Variants in BSDC1 observed in about 807,000 individuals in gnomAD.
The protein encoded by BSDC1 is BSD domain-containing protein 1.
In BSDC1, 29 loss-of-function variants were observed where a neutral mutation model predicts 56.0. The ratio of observed to expected loss-of-function variants is 0.52; its 90% confidence interval spans 0.39 to 0.71. The LOEUF (loss-of-function observed/expected upper bound fraction) is 0.71. BSDC1 is among the 30% of genes least tolerant of loss of function. The probability of loss-of-function intolerance (pLI) is 0.00; values close to 1 mark genes in which losing one functional copy is unlikely to be tolerated. For synonymous variants in BSDC1, 210 were observed against 215.3 expected, an observed-to-expected ratio of 0.98 and a Z score of 0.21; for missense variants, 477 against 548.5, an observed-to-expected ratio of 0.87 and a Z score of 1.30.
At chr1:32,392,900 C>A (rs926957873) in intron 2 of BSDC1, among the ~76,000 whole-genome samples, 2 of 152,090 alleles carry the variant, frequency 1.3e-5, no homozygotes, top group African/African-American at 4.8e-5. Context: ...CCTGTCTCTA[C>A]TAAAAATACA....
In BSDC1 at chr1:32,365,797, G is replaced by A. The variant is rs1240119919; in HGVS notation, c.*825C>T. 1 of 152,794 alleles carries A rather than the reference G, an allele frequency of 6.5e-6. No individual in the cohort carries two copies. The highest frequency in any genetic ancestry group is 1.9e-4 in the East Asian group (1 of 5,198). 9.5% of individuals were successfully genotyped at this position (152,794 alleles called of 1,614,324 possible). ...TTGTGTCCTAAACTACAGGGGAGTT[G>A]AGGTGGGTAGCTGGTTGGACAAGGT... On this transcript the variant is annotated 3_prime_UTR_variant, in exon 11 of 11. Transcript: ENST00000455895.
intron 9 of BSDC1, chr1:32,369,272 C>G (rs1490523740): frequency 7.8e-7 from 1 of 1,289,664 alleles, no homozygotes; most frequent in Non-Finnish European, 1.0e-6. Context: ...AGCACTTTGG[C>G]CCAGAGGCTC....
Position 32,366,347 on chromosome 1 carries a change from A to G in BSDC1, c.*275T>C. The stretch of plus-strand genomic sequence containing the variant: ...GGAACAGTGGGTGTTCAGCAGAAAA[A>G]CACAGGCTCTTCTGGTGAGGAGGAT... On this transcript the variant is annotated 3_prime_UTR_variant, in exon 11 of 11. Coordinates refer to ENST00000455895, the MANE Select transcript of BSDC1 (RefSeq NM_018045.8). The G allele has an allele frequency of 1.5e-6, 1 of 649,796 alleles. No homozygotes were observed. The highest frequency in any genetic ancestry group is 2.8e-6 in the Non-Finnish European group (1 of 355,230). 40.3% of individuals were successfully genotyped at this position (649,796 alleles called of 1,614,324 possible).
chr1:32,379,511 G>T (rs1355552929), intron 5 of BSDC1, among the ~76,000 whole-genome samples: 1 of 151,672 alleles, frequency 6.6e-6, no homozygotes, highest in African/African-American at 2.4e-5. Context: ...TTCCCATCTG[G>T]TTATCTGACA....
In BSDC1 at chr1:32,369,152, T is replaced by C. The variant is rs950956655; in HGVS notation, c.1157-602A>G. The C allele has an allele frequency of 2.1e-5, 14 of 673,394 alleles. No individual in the cohort carries two copies. The African/African-American group carries it at 2.7e-4, about 13-fold the overall frequency. 41.7% of individuals were successfully genotyped at this position (673,394 alleles called of 1,614,324 possible). On this transcript the variant is annotated intron_variant, in intron 9 of 10. Transcript: ENST00000455895. ...TTAGACAAGTAAACAGTGAGTTACA[T>C]GGTGGAACACTGTAGGCTGTTAGAG...
At chr1:32,389,344 T>C (rs1642786644) in intron 2 of BSDC1, among the ~76,000 whole-genome samples, 1 of 152,242 alleles carries the variant, frequency 6.6e-6, no homozygotes, top group South Asian at 2.1e-4. Flanking sequence ...GGTTCCCCAG[T>C]ATCTGACACA....
chr1:32,379,053 C>T (rs988402853), intron 5 of BSDC1, among the ~76,000 whole-genome samples: 1 of 152,176 alleles, frequency 6.6e-6, no homozygotes, highest in African/African-American at 2.4e-5. Flanking sequence ...TCTCATATCC[C>T]TGCTGGCTTT....
intron 8 of BSDC1, 37 bp downstream of exon 8, chr1:32,377,933 A>G (rs1460837098): frequency 5.7e-6 from 9 of 1,585,184 alleles, no homozygotes; most frequent in Non-Finnish European, 7.7e-6. Flanking sequence ...TCCCGCACAG[A>G]TGTGACACTT....
chr1:32,384,172 C>T, intron 3 of BSDC1, 175 bp from the exon 4 acceptor site: 1 of 787,818 alleles, frequency 1.3e-6, no homozygotes, highest in Non-Finnish European at 2.0e-6. Flanking sequence ...GGTCCTCCAT[C>T]CCCCAAGTGG....
Position 32,394,140 on chromosome 1 carries a change from C to G in BSDC1, c.12G>C (p.Gly4=). The change falls in exon 2 of 11, where the codon GGG becomes GGC. Residue 4 remains glycine, a splice_region_variant and synonymous_variant. Transcript: ENST00000455895. Reference sequence around the variant, plus strand: ...AGCTCCGCCACCATCCCACGTCCTCCCTGTGGAAGACAGACACATCTGGCA... The same window carrying G: ...AGCTCCGCCACCATCCCACGTCCTCGCTGTGGAAGACAGACACATCTGGCA... MAE[G]EDVGWWRSWL... 6.2e-7 allele frequency: 1 copy of G among 1,608,832 alleles called. No homozygotes were observed. The highest frequency in any genetic ancestry group is 1.3e-5 in the African/African-American group (1 of 74,914).
At chr1:32,390,472 C>T (rs1642826727) in intron 2 of BSDC1, among the ~76,000 whole-genome samples, 1 of 152,100 alleles carries the variant, frequency 6.6e-6, no homozygotes, top group East Asian at 1.9e-4. Context: ...TAGGTGACTG[C>T]GTAGATGCAG....
chr1:32,385,188 G>A (rs1397162868), intron 3 of BSDC1, among the ~76,000 whole-genome samples: 1 of 152,140 alleles, frequency 6.6e-6, no homozygotes, highest in East Asian at 1.9e-4. Context: ...GAACTTTGCA[G>A]GGATATCTTT....
chr1:32,375,568 C>CA (rs1642250529), intron 9 of BSDC1, among the ~76,000 whole-genome samples: 1 of 152,172 alleles, frequency 6.6e-6, no homozygotes, highest in Non-Finnish European at 1.5e-5. Flanking sequence ...GACATAAACT[C>CA]AGAGTCTCCA....
rs542282840 is a variant in BSDC1, at chr1:32,366,458, G to A, written c.*164C>T. ...TTAGAGAGCCCCTTCCCAGGTGTGA[G>A]CAGAGGCCCAAGAGGGCCAGCAGGG... On this transcript the variant is annotated 3_prime_UTR_variant, in exon 11 of 11. Coordinates refer to ENST00000455895, the MANE Select transcript of BSDC1 (RefSeq NM_018045.8). 3.6e-5 allele frequency: 27 copies of A among 748,574 alleles called. No homozygotes were observed. The highest frequency in any genetic ancestry group is 1.2e-4 in the Admixed American group (6 of 50,008). 46.4% of individuals were successfully genotyped at this position (748,574 alleles called of 1,614,324 possible). A position where few individuals can be genotyped will look rare whatever the true frequency, so the allele number is the denominator to read the frequency against.
chr1:32,375,070 C>T (rs963825311), intron 9 of BSDC1, among the ~76,000 whole-genome samples: 17 of 151,926 alleles, frequency 1.1e-4, no homozygotes, highest in Non-Finnish European at 2.4e-4. Context: ...GAGAATGGCG[C>T]GAACCTGAGA....
chr1:32,368,988 CGCACCT>C (rs1557634603), intron 9 of BSDC1, among the ~76,000 whole-genome samples: 2 of 152,160 alleles, frequency 1.3e-5, no homozygotes, highest in East Asian at 3.8e-4. Flanking sequence ...TGTGAGCCAC[CGCACCT>C]GGCCCCCACT....
chr1:32,382,593 G>A (rs1642519686), intron 4 of BSDC1, among the ~76,000 whole-genome samples: 1 of 151,778 alleles, frequency 6.6e-6, no homozygotes, highest in Admixed American at 6.6e-5. Context: ...AGGCGCGGTG[G>A]CTTACGCCTG....
chr1:32,367,020 G>A (rs1022650927), intron 10 of BSDC1: 2 of 1,027,620 alleles, frequency 1.9e-6, no homozygotes, highest in African/African-American at 3.4e-5. Flanking sequence ...AGAGAACTCA[G>A]GAGGCCTGAG....
intron 9 of BSDC1, among the ~76,000 whole-genome samples, chr1:32,370,454 T>C (rs1270351770): frequency 6.6e-6 from 1 of 152,150 alleles, no homozygotes; most frequent in Non-Finnish European, 1.5e-5. Flanking sequence ...TGGCACTCAA[T>C]AGTCACAGAC....
Sources: allele counts gnomAD v4.1 joint callset (sites outside exome capture counted in the v4.1 genomes callset), GRCh38; gene constraint gnomAD v4.1.1; transcripts MANE v1.5; gene names NCBI Gene and HGNC (gene_info 2026-07-23, HGNC 2026-07-21).